Variants in TBX15 observed in about 807,000 individuals in gnomAD.
The protein encoded by TBX15 is T-box transcription factor 15, also known as T-box transcription factor TBX15.
TBX15 carries 18 observed loss-of-function variants against 53.9 expected under a neutral mutation model. The ratio of observed to expected loss-of-function variants is 0.33; its 90% CI spans 0.23 to 0.49. The LOEUF (loss-of-function observed/expected upper bound fraction) is 0.49, where lower values mean the gene tolerates loss of function less well. TBX15 is among the 20% of genes least tolerant of loss of function. TBX15 has a pLI of 0.98. For synonymous variants in TBX15, 295 were observed against 278.0 expected, an observed-to-expected ratio of 1.06 and a Z score of -0.61; for missense variants, 692 against 749.5, an observed-to-expected ratio of 0.92 and a Z score of 0.90.
chr1:118,925,461 T>G (rs1655563082), intron 3 of TBX15, among the ~76,000 whole-genome samples: 1 of 152,202 alleles, frequency 6.6e-6, no homozygotes, highest in South Asian at 2.1e-4. Flanking sequence ...GAACCCGTTT[T>G]GAACACCATC....
chr1:118,976,873 A>G (rs902499168), intron 1 of TBX15, among the ~76,000 whole-genome samples: 2 of 152,176 alleles, frequency 1.3e-5, no homozygotes, highest in South Asian at 4.1e-4. Flanking sequence ...AATGGGGGAG[A>G]GGGGCAATGG....
chr1:118,926,471 G>C (rs1279027692), intron 3 of TBX15, 39 bp downstream of exon 3: 1 of 1,551,234 alleles, frequency 6.4e-7, no homozygotes, highest in South Asian at 1.1e-5. Context: ...TTGGAATGCT[G>C]GTGATACCCA....
chr1:118,885,390 A>G lies in TBX15; in HGVS notation c.1151T>C (p.Val384Ala), dbSNP rs375858409. ...TFHLAPNTFN[V>A]GCRESQLCNL... ...ACACAGCTGGCTTTCTCGGCAGCCCACATTGAAAGTGTTGGGGGCCAGATG... is the reference window on the plus strand; with the variant it reads ...ACACAGCTGGCTTTCTCGGCAGCCCGCATTGAAAGTGTTGGGGGCCAGATG... The change falls in exon 8 of 8, where the codon GTG becomes GCG. Residue 384 changes from valine (V) to alanine (A), a missense_variant. Coordinates refer to ENST00000369429, the MANE Select transcript of TBX15 (RefSeq NM_001330677.2). The G allele has an allele frequency of 3.7e-6, 6 of 1,613,890 alleles. No homozygotes were observed. In the African/African-American group the frequency reaches 6.7e-5, roughly 18 times the overall value.
chr1:118,915,118 C>T (rs1193089685), intron 5 of TBX15, among the ~76,000 whole-genome samples: 2 of 152,124 alleles, frequency 1.3e-5, no homozygotes, highest in Admixed American at 1.3e-4. Flanking sequence ...GCCTTGGTAC[C>T]TTTGTGTCTG....
At chr1:118,955,528 A>T (rs1034168433) in intron 1 of TBX15, among the ~76,000 whole-genome samples, 25 of 152,320 alleles carry the variant, frequency 1.6e-4, no homozygotes, top group African/African-American at 6.0e-4. Context: ...TAGTGTGTAG[A>T]CAGTGTGGAA....
intron 1 of TBX15, among the ~76,000 whole-genome samples, chr1:118,959,024 CAGAG>C (rs10563585): frequency 0.29 from 41,878 of 144,384 alleles, 6,136 homozygotes; most frequent in Non-Finnish European, 0.33. Context: ...GGTATAATAT[CAGAG>C]AGAGAGAGAG....
intron 1 of TBX15, among the ~76,000 whole-genome samples, chr1:118,943,914 A>G (rs1202137916): frequency 6.6e-6 from 1 of 152,166 alleles, no homozygotes; most frequent in Non-Finnish European, 1.5e-5. Context: ...ACCCAGAAAT[A>G]TTAGAGAGAA....
At chr1:118,929,738 T>A (rs1401357858) in intron 2 of TBX15, among the ~76,000 whole-genome samples, 1 of 151,954 alleles carries the variant, frequency 6.6e-6, no homozygotes, top group African/African-American at 2.4e-5. Context: ...TCAAATGAAC[T>A]CAATTCACTA....
intron 1 of TBX15, among the ~76,000 whole-genome samples, chr1:118,985,284 C>A (rs1330609060): frequency 6.6e-6 from 1 of 152,106 alleles, no homozygotes; most frequent in East Asian, 1.9e-4. Flanking sequence ...ACAATAGGGT[C>A]GCCTGCATTA....
Position 118,883,079 on chromosome 1 carries a change from G to C in TBX15, c.*1653C>G, listed in dbSNP as rs1046657057. On this transcript the variant is annotated 3_prime_UTR_variant, in exon 8 of 8. Coordinates refer to ENST00000369429, the MANE Select transcript of TBX15 (RefSeq NM_001330677.2). ...CAAAGATTTTATTTAGCGGCTTTCT[G>C]TGCTTGGCACTTAGAAACAGAGTTC... 2 of 152,588 alleles carry C rather than the reference G, an allele frequency of 1.3e-5. No homozygotes were observed. Among genetic ancestry groups the C allele is most frequent in the African/African-American group, 4.8e-5 (2 of 41,426 alleles). The allele number at this position is 152,588 out of a possible 1,614,324, so 9.5% of individuals were successfully genotyped here. A position where few individuals can be genotyped will look rare whatever the true frequency, so the allele number is the denominator to read the frequency against.
At chr1:118,931,853 C>T in intron 1 of TBX15, 21 bp from the exon 2 acceptor site, 2 of 1,552,940 alleles carry the variant, frequency 1.3e-6, no homozygotes, top group Non-Finnish European at 1.7e-6. Flanking sequence ...AACAATCAAG[C>T]CTTAGGTGAG....
At chr1:118,899,660 C>A (rs1361984281) in intron 6 of TBX15, among the ~76,000 whole-genome samples, 1 of 152,166 alleles carries the variant, frequency 6.6e-6, no homozygotes, top group Non-Finnish European at 1.5e-5. Flanking sequence ...GAGAGGTAAG[C>A]AGTGAAATAG....
chr1:118,943,780 G>A (rs1656260942), intron 1 of TBX15, among the ~76,000 whole-genome samples: 1 of 152,146 alleles, frequency 6.6e-6, no homozygotes, highest in Admixed American at 6.5e-5. Context: ...AAAACACACT[G>A]AGGAGGCAGA....
chr1:118,885,951 T>C (rs1653928785), intron 7 of TBX15, among the ~76,000 whole-genome samples: 3 of 152,176 alleles, frequency 2.0e-5, no homozygotes, highest in Non-Finnish European at 4.4e-5. Flanking sequence ...AATATGTATT[T>C]TATTCAAAGG....
At chr1:118,925,407 T>C (rs1215419042) in intron 3 of TBX15, among the ~76,000 whole-genome samples, 1 of 152,186 alleles carries the variant, frequency 6.6e-6, no homozygotes, top group African/African-American at 2.4e-5. Flanking sequence ...CTGCAACCAT[T>C]TCAGAAGCAC....
rs147010435 is a variant in TBX15 at position 118,965,012 on chromosome 1, G to A, written c.205+22579C>T. 2.2e-4 allele frequency among the ~76,000 whole-genome samples: 34 copies of A among 152,344 alleles called. No homozygotes were observed. In the East Asian group the frequency reaches 5.4e-3, roughly 24 times the overall value. On this transcript the variant is annotated intron_variant, in intron 1 of 7. Transcript: ENST00000369429. Reference sequence around the variant, plus strand: ...CGTTCTTTGAAATGGTTTGGAAACAGCCTTTATTTTAAACATCTGAAGATA... The same window carrying A: ...CGTTCTTTGAAATGGTTTGGAAACAACCTTTATTTTAAACATCTGAAGATA...
intron 1 of TBX15, among the ~76,000 whole-genome samples, chr1:118,976,625 C>T (rs888065286): frequency 6.6e-6 from 1 of 152,308 alleles, no homozygotes; most frequent in African/African-American, 2.4e-5. Context: ...CTCCTCAGCC[C>T]GGCTTCTGCT....
At chr1:118,885,640 AT>A in intron 7 of TBX15, 124 bp from the exon 8 acceptor site, 3 of 1,208,946 alleles carry the variant, frequency 2.5e-6, no homozygotes, top group Non-Finnish European at 2.4e-6. Context: ...TTACAGAACC[AT>A]TTTTCCTCTT....
intron 7 of TBX15, among the ~76,000 whole-genome samples, chr1:118,891,155 A>G (rs1397351145): frequency 6.6e-6 from 1 of 152,220 alleles, no homozygotes. Context: ...CGTGGTTTCA[A>G]TCTTAGAAAG....
Sources: gnomAD v4.1 joint callset for allele counts (sites outside exome capture counted in the v4.1 genomes callset) on GRCh38, gnomAD v4.1.1 for gene constraint, MANE v1.5 for transcripts, NCBI Gene and HGNC (gene_info 2026-07-23, HGNC 2026-07-21) for gene names.